Variants in CSMD1 observed in about 807,000 individuals in gnomAD.
CSMD1 encodes CUB and Sushi multiple domains 1.
CSMD1 carries 213 observed loss-of-function variants against 417.5 expected under a neutral mutation model. The observed-to-expected ratio is 0.51, with a 90% CI of 0.46 to 0.57. CSMD1 has a LOEUF of 0.57. Ranked by LOEUF, CSMD1 falls within the 20% of genes least tolerant of loss-of-function variation. The pLI, the probability that CSMD1 is intolerant of heterozygous loss-of-function variation, is 0.00. For synonymous variants in CSMD1, 2,862 were observed against 1,736.8 expected (o/e 1.65, Z -16.11); for missense variants, 6,923 against 4,529.7 (o/e 1.53, Z -15.17).
chr8:4,825,879 A>G (rs969345665), intron 1 of CSMD1, among the ~76,000 whole-genome samples: 1 of 152,130 alleles, frequency 6.6e-6, no homozygotes, highest in African/African-American at 2.4e-5. Context: ...CAATAAGCAC[A>G]TGAAAAGGTG....
chr8:4,649,330 T>C lies in CSMD1; in HGVS notation c.86-11772A>G, dbSNP rs115195208. Reference sequence around the variant, plus strand: ...CTACCTACAGTAATGATTGTGAACATTGACAGAGTACCTATTATAAGGTAA... The same window carrying C: ...CTACCTACAGTAATGATTGTGAACACTGACAGAGTACCTATTATAAGGTAA... On this transcript the variant is annotated intron_variant, in intron 1 of 69. Transcript: ENST00000635120. 7.6e-3 allele frequency among the ~76,000 whole-genome samples: 1,152 copies of C among 152,302 alleles called. 22 individuals are homozygous for C. Among genetic ancestry groups the C allele is most frequent in the African/African-American group, 0.025 (1,038 of 41,564 alleles).
At chr8:4,501,240 G>T (rs1004669501) in intron 2 of CSMD1, among the ~76,000 whole-genome samples, 1 of 152,028 alleles carries the variant, frequency 6.6e-6, no homozygotes, top group East Asian at 1.9e-4. Flanking sequence ...GCCAGAGATA[G>T]AATTTACTGC....
chr8:4,785,224 T>A (rs1173876704), intron 1 of CSMD1, among the ~76,000 whole-genome samples: 2 of 152,194 alleles, frequency 1.3e-5, no homozygotes, highest in African/African-American at 4.8e-5. Flanking sequence ...TACCAGCTCA[T>A]GCCTGTTAGT....
chr8:4,357,327 T>A (rs1156648361), intron 3 of CSMD1, among the ~76,000 whole-genome samples: 1 of 152,238 alleles, frequency 6.6e-6, no homozygotes, highest in East Asian at 1.9e-4. Context: ...ATATCATGCC[T>A]GTTGCGTAAG....
intron 10 of CSMD1, among the ~76,000 whole-genome samples, chr8:3,507,974 G>A (rs920438469): frequency 2.6e-5 from 4 of 152,290 alleles, no homozygotes; most frequent in African/African-American, 4.8e-5. Flanking sequence ...TCACTCTGAT[G>A]TTGGTTTCTT....
At chr8:3,799,146 A>G (rs973814295) in intron 5 of CSMD1, among the ~76,000 whole-genome samples, 3 of 152,148 alleles carry the variant, frequency 2.0e-5, no homozygotes, top group African/African-American at 4.8e-5. Flanking sequence ...TAACACTTCA[A>G]TAAAAAGTTT....
intron 2 of CSMD1, among the ~76,000 whole-genome samples, chr8:4,454,398 T>A (rs1799345129): frequency 6.6e-6 from 1 of 152,208 alleles, no homozygotes; most frequent in African/African-American, 2.4e-5. Flanking sequence ...TTGGCTCTGG[T>A]ATACCTCTAG....
chr8:3,315,793 T>C (rs1048496351), intron 23 of CSMD1, among the ~76,000 whole-genome samples: 1 of 152,164 alleles, frequency 6.6e-6, no homozygotes, highest in Non-Finnish European at 1.5e-5. Context: ...AACTGTCTTA[T>C]TTTTTATCAA....
chr8:4,381,688 G>C (rs893546411), intron 3 of CSMD1, among the ~76,000 whole-genome samples: 1 of 152,150 alleles, frequency 6.6e-6, no homozygotes, highest in Non-Finnish European at 1.5e-5. Context: ...GGGAGAAGCA[G>C]ATGCGTCAAC....
rs556519121 is a variant in CSMD1, at chr8:4,078,595, T to A, written c.416-46496A>T. Reference sequence around the variant, plus strand: ...CAACTTTTTAAACATAAAATCTTCGTTATGAAATATAATTTTTTTTTTTTT... The same window carrying A: ...CAACTTTTTAAACATAAAATCTTCGATATGAAATATAATTTTTTTTTTTTT... On this transcript the variant is annotated intron_variant, in intron 3 of 69. Transcript: ENST00000635120. Among the ~76,000 whole-genome samples, 12 of 150,798 alleles carry A rather than the reference T, an allele frequency of 8.0e-5. 1 individual carries two copies. The East Asian group carries it at 2.4e-3, about 30-fold the overall frequency.
At chr8:3,834,932 G>C (rs995140816) in intron 5 of CSMD1, among the ~76,000 whole-genome samples, 1 of 151,960 alleles carries the variant, frequency 6.6e-6, no homozygotes, top group African/African-American at 2.4e-5. Context: ...CTTCTCAAAA[G>C]AAGACATTTA....
chr8:3,325,263 A>C (rs1806450568), intron 23 of CSMD1, among the ~76,000 whole-genome samples: 2 of 152,222 alleles, frequency 1.3e-5, no homozygotes, highest in African/African-American at 4.8e-5. Context: ...TCCATGACTG[A>C]CTAATACAAT....
intron 42 of CSMD1, among the ~76,000 whole-genome samples, chr8:3,115,206 C>CTTT (rs1347524358): frequency 1.2e-5 from 1 of 80,782 alleles, no homozygotes; most frequent in Non-Finnish European, 2.4e-5. Context: ...CCCCCCCCCC[C>CTTT]TTTTTTTTTT....
chr8:4,844,798 GT>G (rs1364242282), intron 1 of CSMD1, among the ~76,000 whole-genome samples: 4 of 152,102 alleles, frequency 2.6e-5, no homozygotes, highest in Non-Finnish European at 1.5e-5. Flanking sequence ...ACTGACAAAA[GT>G]TTTCTCATTC....
At chr8:3,938,767 G>A (rs747627948) in intron 5 of CSMD1, among the ~76,000 whole-genome samples, 1 of 152,108 alleles carries the variant, frequency 6.6e-6, no homozygotes, top group Non-Finnish European at 1.5e-5. Context: ...TGCCTTTGTT[G>A]TTAATGTGAC....
chr8:4,144,512 CTTCA>C (rs887919249), intron 3 of CSMD1, among the ~76,000 whole-genome samples: 1 of 151,102 alleles, frequency 6.6e-6, no homozygotes, highest in African/African-American at 2.5e-5. Flanking sequence ...AGTCTAAATG[CTTCA>C]CCTCATTACC....
intron 3 of CSMD1, among the ~76,000 whole-genome samples, chr8:4,211,437 T>C (rs184139799): frequency 3.0e-4 from 46 of 152,360 alleles, no homozygotes; most frequent in African/African-American, 9.6e-4. Flanking sequence ...TACAAACATA[T>C]AGCAGTTTAC....
At chr8:4,293,087 A>AC (rs1228035549) in intron 3 of CSMD1, among the ~76,000 whole-genome samples, 1 of 152,150 alleles carries the variant, frequency 6.6e-6, no homozygotes, top group Non-Finnish European at 1.5e-5. Context: ...CATGCACTGC[A>AC]CATGCGGAAA....
At chr8:3,438,621 A>G (rs1302834394) in intron 12 of CSMD1, among the ~76,000 whole-genome samples, 2 of 152,076 alleles carry the variant, frequency 1.3e-5, no homozygotes, top group African/African-American at 2.4e-5. Flanking sequence ...GGTCTAGATG[A>G]ATTAATTTGT....
Sources: gnomAD v4.1 joint callset for allele counts (sites outside exome capture counted in the v4.1 genomes callset) on GRCh38, gnomAD v4.1.1 for gene constraint, MANE v1.5 for transcripts, NCBI Gene and HGNC (gene_info 2026-07-23, HGNC 2026-07-21) for gene names.